Variants in SLC25A30 observed in about 807,000 individuals in gnomAD.
SLC25A30 encodes solute carrier family 25 member 30.
Under a neutral mutation model 42.7 loss-of-function variants are expected in SLC25A30, and 29 were observed. The ratio of observed to expected loss-of-function variants is 0.68; its 90% CI spans 0.51 to 0.93. The LOEUF is 0.93. SLC25A30 is among the 40% of genes least tolerant of loss of function. SLC25A30 has a pLI of 0.00. For missense variants in SLC25A30, 300 were observed against 359.7 expected (o/e 0.83, Z 1.34); for synonymous variants, 124 against 131.0 (o/e 0.95, Z 0.37).
At chr13:45,412,824 G>A (rs940826864) in intron 1 of SLC25A30, among the ~76,000 whole-genome samples, 1 of 152,150 alleles carries the variant, frequency 6.6e-6, no homozygotes, top group South Asian at 2.1e-4. Flanking sequence ...TATGTAATTA[G>A]AGCTGGTAAA....
In SLC25A30 at chr13:45,405,931, T is replaced by C; in HGVS notation, c.259A>G (p.Ile87Val). The change falls in exon 4 of 10, where the codon ATA becomes GTA. Residue 87 changes from isoleucine (I) to valine (V), a missense_variant. Ile to Val is a conservative substitution (Grantham distance 29, BLOSUM62 3). Transcript: ENST00000519676. Reference sequence around the variant, plus strand: ...CGCTTCAAGCTCTGGTAAGTGCCTATCTTGATGGTGCCATAGGATGCCTGG... The same window carrying C: ...CGCTTCAAGCTCTGGTAAGTGCCTACCTTGATGGTGCCATAGGATGCCTGG... Reference protein sequence around the residue: ...LRQASYGTIKIGTYQSLKRLF... With the variant: ...LRQASYGTIKVGTYQSLKRLF... 6.2e-7 allele frequency: 1 copy of C among 1,614,214 alleles called. No homozygotes were observed. Among genetic ancestry groups the C allele is most frequent in the Non-Finnish European group, 8.5e-7 (1 of 1,180,032 alleles).
At chr13:45,425,324 G>T in the SLC25A30 span, among the ~76,000 whole-genome samples, 2 of 104,934 alleles carry the variant, frequency 1.9e-5, no homozygotes, top group Admixed American at 1.5e-4. Context: ...ATATGTATAT[G>T]TAACTATATA....
chr13:45,424,502 T>TAAATATATAA, the SLC25A30 span, among the ~76,000 whole-genome samples: 1 of 39,296 alleles, frequency 2.5e-5, no homozygotes, highest in African/African-American at 8.6e-5. Flanking sequence ...TATAAATATA[T>TAAATATATAA]AAAAATATAT....
chr13:45,423,189 C>T (rs761675471), upstream of SLC25A30, among the ~76,000 whole-genome samples: 22 of 151,948 alleles, frequency 1.4e-4, no homozygotes, highest in Non-Finnish European at 3.1e-4. Context: ...GGCAGGAAGA[C>T]AGAGGTCAGG....
At chr13:45,426,194 C>T in the SLC25A30 span, among the ~76,000 whole-genome samples, 3 of 151,950 alleles carry the variant, frequency 2.0e-5, no homozygotes, top group African/African-American at 7.3e-5. Context: ...TCAAGCAATT[C>T]TCCTGCCTCA....
At chr13:45,419,501 T>C (rs1044138787), upstream of SLC25A30, among the ~76,000 whole-genome samples, 3 of 150,232 alleles carry the variant, frequency 2.0e-5, no homozygotes, top group Admixed American at 6.6e-5. Flanking sequence ...GTATTTTTAG[T>C]AGAGATGGGG....
intron 1 of SLC25A30, among the ~76,000 whole-genome samples, chr13:45,415,667 C>G (rs1317973542): frequency 6.7e-6 from 1 of 148,820 alleles, no homozygotes; most frequent in Non-Finnish European, 1.5e-5. Flanking sequence ...AGGAGAATAG[C>G]TTTGAACCCG....
the SLC25A30 span, among the ~76,000 whole-genome samples, chr13:45,424,565 GTATAAATA>G: frequency 4.5e-4 from 6 of 13,430 alleles, no homozygotes; most frequent in Admixed American, 3.6e-3. Context: ...ATATATAAAT[GTATAAATA>G]TATAAATATA....
rs970279592 is a variant in SLC25A30 at position 45,411,390 on chromosome 13, C to T, written c.36G>A (p.Gly12=). ...ACTCAGCAGTGATGGAGGCCAGCCC[C>T]CCGTACACAAACGGCTTCCAGTTGA... ...SALNWKPFVY[G]GLASITAECG... Residue 12 remains glycine (G), a synonymous_variant, in exon 2 of 10, where the codon GGG becomes GGA. Transcript: ENST00000519676. 6.2e-7 allele frequency: 1 copy of T among 1,614,148 alleles called. No homozygotes were observed. The highest frequency in any genetic ancestry group is 1.3e-5 in the African/African-American group (1 of 75,054).
intron 7 of SLC25A30, among the ~76,000 whole-genome samples, chr13:45,400,443 G>A (rs147569555): frequency 2.0e-5 from 3 of 152,168 alleles, no homozygotes; most frequent in Admixed American, 6.5e-5. Flanking sequence ...AATAAAGTCC[G>A]TAAGTACTGA....
upstream of SLC25A30, among the ~76,000 whole-genome samples, chr13:45,420,561 T>C (rs910878042): frequency 9.9e-5 from 15 of 152,188 alleles, 1 homozygote; most frequent in South Asian, 6.2e-4. Context: ...CTCCCTTTCC[T>C]GTAGAGCTTT....
intron 2 of SLC25A30, 135 bp downstream of exon 2, chr13:45,411,225 CCA>C: frequency 1.4e-6 from 1 of 727,806 alleles, no homozygotes; most frequent in Non-Finnish European, 2.4e-6. Flanking sequence ...TAGGCGTGAG[CCA>C]CCACACCCAG....
In SLC25A30 at chr13:45,394,993, TAA is replaced by T; in HGVS notation, c.*979_*980del. On this transcript the variant is annotated 3_prime_UTR_variant, in exon 10 of 10. Transcript: ENST00000519676. Reference sequence around the variant, plus strand: ...CAGTGTTCTTTCTTCAACAAGACCTTAACAAAGGGCTTCATTCACAATTACCA... The same window carrying T: ...CAGTGTTCTTTCTTCAACAAGACCTTCAAAGGGCTTCATTCACAATTACCA... 1 of 985,412 alleles carries T rather than the reference TAA, an allele frequency of 1.0e-6. No individual in the cohort carries two copies. The highest frequency in any genetic ancestry group is 1.2e-6 in the Non-Finnish European group (1 of 829,938). 61.0% of individuals were successfully genotyped at this position (985,412 alleles called of 1,614,324 possible).
chr13:45,416,664 C>T (rs1460392611), intron 1 of SLC25A30, among the ~76,000 whole-genome samples: 3 of 151,988 alleles, frequency 2.0e-5, no homozygotes, highest in Non-Finnish European at 4.4e-5. Context: ...CCAGCTACTC[C>T]GCAGGCTGAG....
At chr13:45,433,032 C>CAAAAAA in the SLC25A30 span, among the ~76,000 whole-genome samples, 1 of 129,878 alleles carries the variant, frequency 7.7e-6, no homozygotes, top group African/African-American at 2.9e-5. Flanking sequence ...GACTCTTTCT[C>CAAAAAA]AAAAAAAAAA....
At chr13:45,409,204 T>C (rs1882789431) in intron 2 of SLC25A30, 130 bp from the exon 3 acceptor site, 1 of 655,092 alleles carries the variant, frequency 1.5e-6, no homozygotes, top group African/African-American at 1.9e-5. Context: ...AATGGCACTT[T>C]GCAATCTTGT....
the SLC25A30 span, among the ~76,000 whole-genome samples, chr13:45,425,161 T>TATATATATAA: frequency 2.2e-5 from 2 of 90,626 alleles, no homozygotes; most frequent in African/African-American, 8.6e-5. Context: ...TATTGATAAA[T>TATATATATAA]ATATATAAGT....
At chr13:45,397,469 G>A in intron 8 of SLC25A30, 131 bp from the exon 9 acceptor site, 1 of 616,374 alleles carries the variant, frequency 1.6e-6, no homozygotes. Context: ...GAGGCGGGTG[G>A]ATCACCAGGT....
In SLC25A30 at chr13:45,405,978, C is replaced by T. The variant is rs889631625; in HGVS notation, c.213-1G>A. 3.1e-6 allele frequency: 5 copies of T among 1,614,016 alleles called. No homozygotes were observed. In the Admixed American group the frequency reaches 8.3e-5, roughly 27 times the overall value. On this transcript the variant is annotated splice_acceptor_variant, in intron 3 of 9. Transcript: ENST00000519676. LOFTEE classifies it high-confidence loss of function. ...CTGGCGTAACATCGCGGGGGCAATC[C>T]TGTTAAACCAATGTACAAAGGGACA... is the stretch of plus-strand genomic sequence containing the variant.
Sources: gnomAD v4.1 joint callset for allele counts (sites outside exome capture counted in the v4.1 genomes callset) on GRCh38, gnomAD v4.1.1 for gene constraint, MANE v1.5 for transcripts, NCBI Gene and HGNC (gene_info 2026-07-23, HGNC 2026-07-21) for gene names.